COL19A1: variants seen among roughly 807,000 people sequenced by gnomAD.
COL19A1 encodes collagen alpha-1(XIX) chain.
A neutral mutation model predicts 190.2 loss-of-function variants in COL19A1; 159 were observed. The ratio of observed to expected loss-of-function variants is 0.84; its 90% CI spans 0.73 to 0.95. The LOEUF is 0.95. Ranked by LOEUF, COL19A1 falls within the 40% of genes least tolerant of loss-of-function variation. The probability of loss-of-function intolerance (pLI) is 0.00; values close to 1 mark genes in which losing one functional copy is unlikely to be tolerated. For synonymous variants in COL19A1, 509 were observed against 458.9 expected (o/e 1.11, Z -1.39); for missense variants, 1,418 against 1,431.9 (o/e 0.99, Z 0.16).
intron 11 of COL19A1, among the ~76,000 whole-genome samples, chr6:69,980,872 G>A (rs1775995958): frequency 6.6e-6 from 1 of 152,184 alleles, no homozygotes; most frequent in Admixed American, 6.5e-5. Flanking sequence ...CAAGGACAAA[G>A]GCATTCCCAT....
intron 4 of COL19A1, among the ~76,000 whole-genome samples, chr6:69,918,417 C>T (rs926225140): frequency 2.0e-5 from 3 of 152,058 alleles, no homozygotes; most frequent in Non-Finnish European, 4.4e-5. Flanking sequence ...ACAGTAAGGG[C>T]TTGGGGTGGT....
intron 14 of COL19A1, among the ~76,000 whole-genome samples, chr6:70,040,981 C>A (rs972225918): frequency 1.3e-5 from 2 of 151,996 alleles, no homozygotes; most frequent in Admixed American, 6.6e-5. Context: ...AAAACAGTGT[C>A]CAAGAGGCTT....
intron 31 of COL19A1, among the ~76,000 whole-genome samples, chr6:70,154,123 C>T (rs1364128923): frequency 3.3e-5 from 5 of 149,460 alleles, no homozygotes; most frequent in East Asian, 4.0e-4. Flanking sequence ...CCCAACCCCC[C>T]ACAGGCCCCA....
intron 11 of COL19A1, among the ~76,000 whole-genome samples, chr6:70,022,281 C>A (rs1778457897): frequency 6.6e-6 from 1 of 152,086 alleles, no homozygotes; most frequent in Non-Finnish European, 1.5e-5. Context: ...TGGTTGAGTA[C>A]TTTCTATACA....
chr6:70,105,018 G>T (rs1455515894), intron 16 of COL19A1, among the ~76,000 whole-genome samples: 1 of 152,164 alleles, frequency 6.6e-6, no homozygotes, highest in Non-Finnish European at 1.5e-5. Flanking sequence ...GTTTGGGGGA[G>T]AGAGGTGCTT....
chr6:69,933,823 G>A (rs1468759933), intron 7 of COL19A1, among the ~76,000 whole-genome samples: 1 of 151,908 alleles, frequency 6.6e-6, no homozygotes, highest in East Asian at 1.9e-4. Context: ...TTTGGAAAAA[G>A]TAGACAATCA....
At chr6:70,205,440 A>G (rs1423668607) in intron 49 of COL19A1, among the ~76,000 whole-genome samples, 1 of 152,210 alleles carries the variant, frequency 6.6e-6, no homozygotes, top group Non-Finnish European at 1.5e-5. Flanking sequence ...TTCTACTGTA[A>G]CAGCACACCT....
At chr6:70,206,803 T>A in intron 49 of COL19A1, 98 bp from the exon 50 acceptor site, 2 of 970,842 alleles carry the variant, frequency 2.1e-6, no homozygotes, top group South Asian at 3.5e-5. Flanking sequence ...AGCAAATGTA[T>A]CACATAATTA....
intron 11 of COL19A1, among the ~76,000 whole-genome samples, chr6:70,004,193 A>G (rs1245310184): frequency 6.6e-6 from 1 of 152,166 alleles, no homozygotes; most frequent in East Asian, 1.9e-4. Context: ...AATGTTGAAT[A>G]TTGGTCCCCA....
chr6:70,141,884 T>C lies in COL19A1; in HGVS notation c.1483-9T>C. On this transcript the variant is annotated splice_polypyrimidine_tract_variant and intron_variant, in intron 20 of 50. Transcript: ENST00000620364. Reference sequence around the variant, plus strand: ...AGCATTACCCTTATAGTAATTATTTTATTTACAGGGAGAACCTGGGGTAAT... The same window carrying C: ...AGCATTACCCTTATAGTAATTATTTCATTTACAGGGAGAACCTGGGGTAAT... 5 of 1,562,924 alleles carry C rather than the reference T, an allele frequency of 3.2e-6. No individual in the cohort carries two copies. Among genetic ancestry groups the C allele is most frequent in the Non-Finnish European group, 3.5e-6 (4 of 1,134,176 alleles).
At chr6:69,941,690 C>CTTTT (rs534792473) in intron 9 of COL19A1, among the ~76,000 whole-genome samples, 1 of 130,548 alleles carries the variant, frequency 7.7e-6, no homozygotes, top group Non-Finnish European at 1.7e-5. Flanking sequence ...GTGCTAGTTG[C>CTTTT]TTTTTTTTTT....
intron 11 of COL19A1, among the ~76,000 whole-genome samples, chr6:70,004,428 G>T (rs1247043644): frequency 1.3e-5 from 2 of 152,144 alleles, no homozygotes. Flanking sequence ...TGTCTTGCTA[G>T]GTTGAGGAAG....
chr6:69,937,347 G>A (rs1376523247), intron 8 of COL19A1, among the ~76,000 whole-genome samples: 1 of 152,060 alleles, frequency 6.6e-6, no homozygotes, highest in Non-Finnish European at 1.5e-5. Context: ...TTTTCAACTG[G>A]CTGTCTCCAT....
intron 4 of COL19A1, among the ~76,000 whole-genome samples, chr6:69,920,948 A>C (rs1203694760): frequency 7.7e-6 from 1 of 130,362 alleles, no homozygotes; most frequent in Non-Finnish European, 1.6e-5. Flanking sequence ...GTATATTCAT[A>C]TATATATTCA....
intron 9 of COL19A1, among the ~76,000 whole-genome samples, chr6:69,948,577 G>A (rs553305506): frequency 1.3e-5 from 2 of 151,720 alleles, no homozygotes; most frequent in East Asian, 1.9e-4. Context: ...TGCCATCCAG[G>A]GCCATGATAG....
intron 14 of COL19A1, among the ~76,000 whole-genome samples, chr6:70,055,002 T>A (rs1327935747): frequency 6.6e-6 from 1 of 151,918 alleles, no homozygotes; most frequent in Non-Finnish European, 1.5e-5. Context: ...TGGGAAAAAA[T>A]ATTTACAACT....
intron 37 of COL19A1, among the ~76,000 whole-genome samples, chr6:70,166,272 A>G (rs1312306381): frequency 1.3e-5 from 2 of 152,142 alleles, no homozygotes; most frequent in African/African-American, 4.8e-5. Context: ...GGCCCCTGGG[A>G]AAGTCATTTA....
intron 11 of COL19A1, among the ~76,000 whole-genome samples, chr6:69,966,195 G>T (rs1276041030): frequency 6.6e-6 from 1 of 151,944 alleles, no homozygotes; most frequent in Non-Finnish European, 1.5e-5. Flanking sequence ...CGGGAGGTGG[G>T]GGGCACCTCT....
At chr6:69,988,930 C>T (rs1216925468) in intron 11 of COL19A1, among the ~76,000 whole-genome samples, 3 of 152,130 alleles carry the variant, frequency 2.0e-5, no homozygotes, top group Non-Finnish European at 4.4e-5. Context: ...CCTGCATTTG[C>T]TCTTTTCTAT....
Sources: allele counts gnomAD v4.1 joint callset (sites outside exome capture counted in the v4.1 genomes callset), GRCh38; gene constraint gnomAD v4.1.1; transcripts MANE v1.5; gene names NCBI Gene and HGNC (gene_info 2026-07-23, HGNC 2026-07-21).